Variants in C1orf21 observed in about 807,000 individuals in gnomAD.
The protein encoded by C1orf21 is chromosome 1 open reading frame 21.
C1orf21 carries 3 observed loss-of-function variants against 18.7 expected under a neutral mutation model. The observed-to-expected ratio is 0.16, with a 90% CI of 0.07 to 0.42. C1orf21 has a LOEUF of 0.42. Ranked by LOEUF, C1orf21 falls within the 10% of genes least tolerant of loss-of-function variation. The pLI, the probability that C1orf21 is intolerant of heterozygous loss-of-function variation, is 0.99. For missense variants in C1orf21, 104 were observed against 143.6 expected (o/e 0.72, Z 1.41); for synonymous variants, 41 against 46.4 (o/e 0.88, Z 0.47).
intron 3 of C1orf21, among the ~76,000 whole-genome samples, chr1:184,585,120 G>A (rs1659334830): frequency 1.3e-5 from 2 of 152,140 alleles, no homozygotes; most frequent in African/African-American, 2.4e-5. Context: ...AAGCCATATA[G>A]CATAATTAAA....
intron 1 of C1orf21, among the ~76,000 whole-genome samples, chr1:184,419,292 A>C (rs1656508835): frequency 6.6e-6 from 1 of 152,226 alleles, no homozygotes; most frequent in Admixed American, 6.5e-5. Context: ...TATCCTGTGC[A>C]TAGTAAATTT....
intron 3 of C1orf21, among the ~76,000 whole-genome samples, chr1:184,516,249 C>T (rs142890499): frequency 1.3e-3 from 199 of 152,304 alleles, no homozygotes; most frequent in African/African-American, 4.3e-3. Context: ...TAATTTGAAA[C>T]ACCCTTTCAC....
chr1:184,448,679 C>T (rs1657070384), intron 1 of C1orf21, among the ~76,000 whole-genome samples: 1 of 152,166 alleles, frequency 6.6e-6, no homozygotes, highest in African/African-American at 2.4e-5. Flanking sequence ...TAGGCACTAC[C>T]TCAAGCTCTT....
intron 3 of C1orf21, among the ~76,000 whole-genome samples, chr1:184,572,333 G>A (rs1252147536): frequency 6.6e-6 from 1 of 152,180 alleles, no homozygotes; most frequent in Non-Finnish European, 1.5e-5. Context: ...TGAGAGAGGA[G>A]GCGTAGGAAG....
intron 3 of C1orf21, among the ~76,000 whole-genome samples, chr1:184,525,327 C>T (rs954355043): frequency 6.6e-6 from 1 of 152,086 alleles, no homozygotes; most frequent in Non-Finnish European, 1.5e-5. Context: ...GCTCTTCCTA[C>T]TATATTTCAG....
chr1:184,431,822 T>A (rs1418999025), intron 1 of C1orf21, among the ~76,000 whole-genome samples: 3 of 151,448 alleles, frequency 2.0e-5, no homozygotes, highest in Admixed American at 2.0e-4. Flanking sequence ...TCAAACAAAT[T>A]TACTAGAAAA....
chr1:184,456,387 G>A (rs1474002789), intron 1 of C1orf21, among the ~76,000 whole-genome samples: 1 of 149,320 alleles, frequency 6.7e-6, no homozygotes, highest in Non-Finnish European at 1.5e-5. Context: ...GTTGACATCT[G>A]ATCTCTTTTC....
At chr1:184,480,099 A>G (rs1440863069) in intron 2 of C1orf21, among the ~76,000 whole-genome samples, 1 of 152,210 alleles carries the variant, frequency 6.6e-6, no homozygotes, top group Non-Finnish European at 1.5e-5. Context: ...AGAGGAAAAG[A>G]CATACCTCAT....
At chr1:184,603,069 A>G (rs1659605882) in intron 5 of C1orf21, among the ~76,000 whole-genome samples, 1 of 152,330 alleles carries the variant, frequency 6.6e-6, no homozygotes, top group East Asian at 1.9e-4. Flanking sequence ...AAAACTTTTA[A>G]GTATAATTTC....
intron 2 of C1orf21, 98 bp downstream of exon 2, chr1:184,477,701 T>G: frequency 1.1e-6 from 1 of 940,832 alleles, no homozygotes; most frequent in Non-Finnish European, 1.6e-6. Flanking sequence ...GGGGTGCTTG[T>G]GATATTTTGT....
intron 1 of C1orf21, among the ~76,000 whole-genome samples, chr1:184,444,325 G>A (rs1656995270): frequency 6.6e-6 from 1 of 152,140 alleles, no homozygotes; most frequent in Admixed American, 6.5e-5. Context: ...TTGTGGAAGG[G>A]ACCCGGTGGG....
intron 1 of C1orf21, among the ~76,000 whole-genome samples, chr1:184,427,263 T>C (rs1479657973): frequency 6.6e-6 from 1 of 152,182 alleles, no homozygotes; most frequent in African/African-American, 2.4e-5. Context: ...TAAAGCTACT[T>C]TTTAGCTTTG....
intron 3 of C1orf21, among the ~76,000 whole-genome samples, chr1:184,512,991 G>C (rs1658173526): frequency 6.6e-6 from 1 of 152,212 alleles, no homozygotes; most frequent in Non-Finnish European, 1.5e-5. Context: ...GCCCTATCGT[G>C]AACTGTGCAA....
chr1:184,615,382 T>C (rs1169471737), intron 5 of C1orf21, among the ~76,000 whole-genome samples: 1 of 152,212 alleles, frequency 6.6e-6, no homozygotes, highest in Non-Finnish European at 1.5e-5. Flanking sequence ...ACTAGGAGTT[T>C]CTGTTCTCCC....
rs115888274 is a variant in C1orf21, at chr1:184,595,862, C to T, written c.267-2539C>T. Among the ~76,000 whole-genome samples the T allele has an allele frequency of 4.5e-3, 693 of 152,312 alleles. 4 individuals carry two copies. Among genetic ancestry groups the T allele is most frequent in the Non-Finnish European group, 8.2e-3 (556 of 68,016 alleles). On this transcript the variant is annotated intron_variant, in intron 4 of 5. Coordinates refer to ENST00000235307, the MANE Select transcript of C1orf21 (RefSeq NM_030806.4). ...TGACTCAGTCTGGTGTGTGACTCTTCTTCGTGGGTTATGAAATGTGGCAAA... is the reference window on the plus strand; with the variant it reads ...TGACTCAGTCTGGTGTGTGACTCTTTTTCGTGGGTTATGAAATGTGGCAAA...
chr1:184,592,125 G>A (rs1196740398), intron 4 of C1orf21: 1 of 152,198 alleles, frequency 6.6e-6, no homozygotes, highest in Non-Finnish European at 1.5e-5. Flanking sequence ...AGTGGAACCA[G>A]AGGCTCTATT....
intron 3 of C1orf21, among the ~76,000 whole-genome samples, chr1:184,562,069 G>A (rs759747341): frequency 7.2e-5 from 11 of 151,982 alleles, no homozygotes; most frequent in African/African-American, 1.2e-4. Flanking sequence ...ACTGCAAAAG[G>A]ACCTATGTGT....
chr1:184,519,450 C>T (rs1268592991), intron 3 of C1orf21, among the ~76,000 whole-genome samples: 2 of 152,214 alleles, frequency 1.3e-5, no homozygotes, highest in Non-Finnish European at 2.9e-5. Flanking sequence ...GTTTGATCTA[C>T]ATGGTCATTT....
At chr1:184,477,668 A>G (rs905080121) in intron 2 of C1orf21, 65 bp downstream of exon 2, 16 of 1,289,442 alleles carry the variant, frequency 1.2e-5, no homozygotes, top group Non-Finnish European at 1.7e-5. Flanking sequence ...TTTTATTGAT[A>G]CATAATATTT....
Sources: gnomAD v4.1 joint callset for allele counts (sites outside exome capture counted in the v4.1 genomes callset) on GRCh38, gnomAD v4.1.1 for gene constraint, MANE v1.5 for transcripts, NCBI Gene and HGNC (gene_info 2026-07-23, HGNC 2026-07-21) for gene names.